ARHGAP15: variants seen among roughly 807,000 people sequenced by gnomAD.
ARHGAP15 encodes the protein rho GTPase-activating protein 15.
A neutral mutation model predicts 63.7 loss-of-function variants in ARHGAP15; 51 were observed. That is an observed-to-expected ratio of 0.80 (90% CI 0.64 to 1.01). The LOEUF (loss-of-function observed/expected upper bound fraction) is 1.01. Among genes scored for constraint, ARHGAP15 ranks in the 50% least tolerant of loss-of-function variants. The pLI, the probability that ARHGAP15 is intolerant of heterozygous loss-of-function variation, is 0.00. For missense variants in ARHGAP15, 560 were observed against 564.6 expected (o/e 0.99, Z 0.08); for synonymous variants, 191 against 193.8 (o/e 0.99, Z 0.12).
chr2:143,465,484 C>G (rs1163948129), intron 8 of ARHGAP15, among the ~76,000 whole-genome samples: 4 of 152,074 alleles, frequency 2.6e-5, no homozygotes, highest in Admixed American at 2.6e-4. Flanking sequence ...TGTAGCAAAT[C>G]TGCTCACTGA....
At chr2:143,282,196 A>G (rs1272968219) in intron 6 of ARHGAP15, among the ~76,000 whole-genome samples, 1 of 152,024 alleles carries the variant, frequency 6.6e-6, no homozygotes, top group Non-Finnish European at 1.5e-5. Context: ...CCTCGTATGG[A>G]AGTTTCTCTA....
rs1387289154 is a variant in ARHGAP15, at chr2:143,165,948, AAGAAAGAAAGAG to A, written c.165+10305_165+10316del. On this transcript the variant is annotated intron_variant, in intron 2 of 13. Coordinates refer to ENST00000295095, the MANE Select transcript of ARHGAP15 (RefSeq NM_018460.4). Reference sequence around the variant, plus strand: ...CGTCAAGAAAGAAAAGAAAAGAAGAAAGAAAGAAAGAGAGAAAGAAAGAAAGAAAGAAAGAAA... The same window carrying A: ...CGTCAAGAAAGAAAAGAAAAGAAGAAAGAAAGAAAGAAAGAAAGAAAGAAA... Among the ~76,000 whole-genome samples the A allele has an allele frequency of 2.2e-3, 250 of 115,836 alleles. 3 individuals are homozygous for A. The highest frequency in any genetic ancestry group is 8.3e-3 in the Middle Eastern group (2 of 242). The allele number at this position is 115,836 out of a possible 152,430, so 76.0% of individuals were successfully genotyped here. A position where few individuals can be genotyped will look rare whatever the true frequency, so the allele number is the denominator to read the frequency against.
At chr2:143,537,030 C>T (rs1442286666) in intron 10 of ARHGAP15, among the ~76,000 whole-genome samples, 3 of 151,952 alleles carry the variant, frequency 2.0e-5, no homozygotes, top group African/African-American at 4.8e-5. Flanking sequence ...TCCTCTCCAG[C>T]ACCTGTTGTT....
At chr2:143,685,648 C>T (rs1210161530) in intron 12 of ARHGAP15, among the ~76,000 whole-genome samples, 1 of 152,134 alleles carries the variant, frequency 6.6e-6, no homozygotes, top group Non-Finnish European at 1.5e-5. Context: ...TAGCAGGGTT[C>T]GCAATGCCAG....
At chr2:143,655,765 A>G (rs1681401997) in intron 12 of ARHGAP15, among the ~76,000 whole-genome samples, 1 of 152,216 alleles carries the variant, frequency 6.6e-6, no homozygotes, top group Non-Finnish European at 1.5e-5. Flanking sequence ...TCCTGCTTCT[A>G]CAAATCCACA....
At chr2:143,618,984 G>T (rs1320130574) in intron 11 of ARHGAP15, among the ~76,000 whole-genome samples, 1 of 129,630 alleles carries the variant, frequency 7.7e-6, no homozygotes, top group African/African-American at 2.6e-5. Flanking sequence ...CACCATGCCG[G>T]GCTACTTTTT....
chr2:143,501,591 A>C (rs754885225), intron 9 of ARHGAP15, among the ~76,000 whole-genome samples: 24 of 152,228 alleles, frequency 1.6e-4, no homozygotes, highest in Admixed American at 3.3e-4. Context: ...CCAGTTCTCT[A>C]GCATCCGTTT....
intron 2 of ARHGAP15, among the ~76,000 whole-genome samples, chr2:143,176,171 C>A (rs917610383): frequency 5.9e-5 from 9 of 151,960 alleles, no homozygotes; most frequent in African/African-American, 1.9e-4. Flanking sequence ...CTTCAGGAGG[C>A]TTTTGTCACA....
intron 6 of ARHGAP15, among the ~76,000 whole-genome samples, chr2:143,425,452 C>T (rs1689102719): frequency 6.6e-6 from 1 of 151,652 alleles, no homozygotes; most frequent in African/African-American, 2.4e-5. Flanking sequence ...CATCATATGT[C>T]ACTATATGTG....
chr2:143,405,226 C>A (rs1688148471), intron 6 of ARHGAP15, among the ~76,000 whole-genome samples: 1 of 151,122 alleles, frequency 6.6e-6, no homozygotes, highest in African/African-American at 2.4e-5. Flanking sequence ...ATAATGTATA[C>A]CTTCCTATAG....
chr2:143,313,702 G>A (rs1683553891), intron 6 of ARHGAP15, among the ~76,000 whole-genome samples: 1 of 152,098 alleles, frequency 6.6e-6, no homozygotes, highest in Non-Finnish European at 1.5e-5. Context: ...TCCATTTTGT[G>A]TGTCTGTTTT....
chr2:143,524,942 A>C (rs1694202252), intron 10 of ARHGAP15, among the ~76,000 whole-genome samples: 1 of 152,202 alleles, frequency 6.6e-6, no homozygotes, highest in Non-Finnish European at 1.5e-5. Context: ...AGTTGTTAAT[A>C]TAATTTTCCT....
chr2:143,508,990 C>G (rs1210156325), intron 9 of ARHGAP15, among the ~76,000 whole-genome samples: 3 of 152,188 alleles, frequency 2.0e-5, no homozygotes, highest in African/African-American at 7.2e-5. Flanking sequence ...AAGAACTTTT[C>G]TCTTCTGTCA....
At chr2:143,544,520 G>A (rs572002929) in intron 10 of ARHGAP15, among the ~76,000 whole-genome samples, 1 of 151,966 alleles carries the variant, frequency 6.6e-6, no homozygotes, top group Non-Finnish European at 1.5e-5. Context: ...TAAAATAGTT[G>A]GGAAATATGT....
intron 6 of ARHGAP15, among the ~76,000 whole-genome samples, chr2:143,346,270 ACACACT>A (rs1685296792): frequency 6.6e-6 from 1 of 151,034 alleles, no homozygotes; most frequent in African/African-American, 2.4e-5. Context: ...ACACACACAC[ACACACT>A]CACAAACACA....
chr2:143,748,660 CCA>C (rs1686257523), intron 13 of ARHGAP15, among the ~76,000 whole-genome samples: 1 of 152,134 alleles, frequency 6.6e-6, no homozygotes, highest in South Asian at 2.1e-4. Context: ...GGGTTATTTT[CCA>C]GTACATTTGG....
intron 5 of ARHGAP15, among the ~76,000 whole-genome samples, chr2:143,230,466 T>C (rs929269931): frequency 1.2e-4 from 19 of 152,170 alleles, no homozygotes; most frequent in Non-Finnish European, 8.8e-5. Context: ...AAGTTGACAA[T>C]AGACTTGACT....
chr2:143,178,720 T>G (rs1691107518), intron 2 of ARHGAP15, among the ~76,000 whole-genome samples: 1 of 152,150 alleles, frequency 6.6e-6, no homozygotes, highest in Non-Finnish European at 1.5e-5. Context: ...CAGCCTCCCA[T>G]AGCACTGGGA....
chr2:143,438,629 G>T (rs901610944), intron 8 of ARHGAP15, among the ~76,000 whole-genome samples: 5 of 152,176 alleles, frequency 3.3e-5, no homozygotes, highest in African/African-American at 1.2e-4. Context: ...TGGTTTATTT[G>T]TGGAGAGTTA....
Sources: gnomAD v4.1 joint callset for allele counts (sites outside exome capture counted in the v4.1 genomes callset) on GRCh38, gnomAD v4.1.1 for gene constraint, MANE v1.5 for transcripts, NCBI Gene and HGNC (gene_info 2026-07-23, HGNC 2026-07-21) for gene names.